ABCA9: variants seen among roughly 807,000 people sequenced by gnomAD.
ABCA9 encodes ATP-binding cassette sub-family A member 9.
In ABCA9, 183 loss-of-function variants were observed where a neutral mutation model predicts 205.3. The observed-to-expected ratio is 0.89, with a 90% CI of 0.79 to 1.01. The LOEUF (loss-of-function observed/expected upper bound fraction) is 1.01, where lower values mean the gene tolerates loss of function less well. Among genes scored for constraint, ABCA9 ranks in the 50% least tolerant of loss-of-function variants. The pLI, the probability that ABCA9 is intolerant of heterozygous loss-of-function variation, is 0.00. For synonymous variants in ABCA9, 651 were observed against 683.3 expected (o/e 0.95, Z 0.74); for missense variants, 1,805 against 1,912.4 (o/e 0.94, Z 1.05).
chr17:69,026,958 A>G lies in ABCA9; in HGVS notation c.2050+18T>C, dbSNP rs1206072867. 1 of 1,613,328 alleles carries G rather than the reference A, an allele frequency of 6.2e-7. No individual in the cohort carries two copies. The highest frequency in any genetic ancestry group is 8.5e-7 in the Non-Finnish European group (1 of 1,179,636). The stretch of plus-strand genomic sequence containing the variant: ...CTCTAACCTCTCATGAAGATACATA[A>G]GAGAAACAAAAAATTACCCGCCAGA... On this transcript the variant is annotated intron_variant, in intron 15 of 38. Transcript: ENST00000340001.
chr17:69,016,058 TTA>T (rs1234031855), intron 22 of ABCA9, among the ~76,000 whole-genome samples, 193 bp downstream of exon 22: 3 of 148,078 alleles, frequency 2.0e-5, no homozygotes, highest in Non-Finnish European at 4.5e-5. Context: ...ATACAGTGAT[TTA>T]TATATATATA....
At chr17:68,987,510 A>C (rs1436865187) in intron 31 of ABCA9, among the ~76,000 whole-genome samples, 1 of 152,202 alleles carries the variant, frequency 6.6e-6, no homozygotes, top group Non-Finnish European at 1.5e-5. Flanking sequence ...ATAAATTTTT[A>C]AGCGATGAGA....
At position 69,051,153 on chromosome 17, in the gene ABCA9, GA is replaced by G. The variant is rs567798823; in HGVS notation, c.-13-15del. On this transcript the variant is annotated splice_polypyrimidine_tract_variant and intron_variant, in intron 1 of 38. Coordinates refer to ENST00000340001, the MANE Select transcript of ABCA9 (RefSeq NM_080283.4). Reference sequence around the variant, plus strand: ...TTGACCTGTTTCCTTTAAAAAGACAGAAAAAAAATGAAGTACATGTGAAGGT... The same window carrying G: ...TTGACCTGTTTCCTTTAAAAAGACAGAAAAAAATGAAGTACATGTGAAGGT... 9 of 1,603,750 alleles carry G rather than the reference GA, an allele frequency of 5.6e-6. No homozygotes were observed. Among genetic ancestry groups the G allele is most frequent in the South Asian group, 2.2e-5 (2 of 89,460 alleles).
chr17:69,008,229 C>T lies in ABCA9; in HGVS notation c.3154G>A (p.Ala1052Thr), dbSNP rs139631182. 4.3e-6 allele frequency: 7 copies of T among 1,611,268 alleles called. No individual in the cohort carries two copies. In the African/African-American group the frequency reaches 9.4e-5, roughly 22 times the overall value. Residue 1052 changes from alanine to threonine, a missense_variant, in exon 24 of 39, where the codon GCT becomes ACT. Physicochemically the swap from Ala to Thr is moderately conservative, Grantham distance 58 (BLOSUM62 0). Coordinates refer to ENST00000340001, the MANE Select transcript of ABCA9 (RefSeq NM_080283.4). ...CCTGAAATCCGTAGCTGGGAATGAG[C>T]TTTTTTCTGATAAAGAAATAGAAGA... ...MSSIGDYKKK[A>T]HSQLRISGLY...
chr17:69,051,194 A>G, intron 1 of ABCA9, 55 bp from the exon 2 acceptor site: 1 of 1,490,674 alleles, frequency 6.7e-7, no homozygotes. Context: ...AGTAGAAAAC[A>G]TTGTGCAATC....
intron 1 of ABCA9, among the ~76,000 whole-genome samples, chr17:69,055,176 T>C (rs2072031309): frequency 6.6e-6 from 1 of 152,174 alleles, no homozygotes; most frequent in Non-Finnish European, 1.5e-5. Flanking sequence ...TGATCATCAA[T>C]GGTCTAAATG....
intron 26 of ABCA9, 138 bp downstream of exon 26, chr17:68,995,757 C>T: frequency 2.6e-6 from 3 of 1,157,942 alleles, no homozygotes; most frequent in Non-Finnish European, 3.6e-6. Flanking sequence ...CCATGCGTGG[C>T]AAGAGAACTG....
At chr17:68,989,640 T>C (rs2069379148) in intron 30 of ABCA9, among the ~76,000 whole-genome samples, 173 bp downstream of exon 30, 1 of 152,140 alleles carries the variant, frequency 6.6e-6, no homozygotes, top group African/African-American at 2.4e-5. Flanking sequence ...ACTGTCTTCC[T>C]ATGTAAAGAA....
rs146264007 is a variant in ABCA9 at position 69,035,716 on chromosome 17, C to T, written c.886G>A (p.Val296Ile). Residue 296 changes from valine to isoleucine, a missense_variant, in exon 7 of 39, where the codon GTC (valine) becomes ATC (isoleucine). By Grantham distance (29) the Val-to-Ile change is conservative. Coordinates refer to ENST00000340001, the MANE Select transcript of ABCA9 (RefSeq NM_080283.4). ...AAGACCATCACAAAACCAGTCAGGA[C>T]GACAATTTGTGCAGATTTTACAATA... ...ALIVKSAQIV[V>I]LTGFVMVFTL... The T allele has an allele frequency of 1.6e-4, 253 of 1,613,498 alleles. No homozygotes were observed. Among genetic ancestry groups the T allele is most frequent in the African/African-American group, 9.1e-4 (68 of 74,948 alleles).
At chr17:69,024,478 G>A in intron 16 of ABCA9, 125 bp from the exon 17 acceptor site, 1 of 907,740 alleles carries the variant, frequency 1.1e-6, no homozygotes, top group Non-Finnish European at 1.6e-6. Flanking sequence ...GTAGTTTACT[G>A]GACAAAGTAA....
At chr17:69,045,062 T>A in intron 4 of ABCA9, 110 bp downstream of exon 4, 1 of 793,740 alleles carries the variant, frequency 1.3e-6, no homozygotes, top group East Asian at 2.7e-5. Flanking sequence ...ATTAAAGCTC[T>A]ATGTTGTGGT....
At chr17:69,027,844 C>A in intron 12 of ABCA9, 29 bp from the exon 13 acceptor site, 2 of 1,528,426 alleles carry the variant, frequency 1.3e-6, no homozygotes, top group South Asian at 1.2e-5. Context: ...GAGTGACCAT[C>A]AGGAAAATGT....
rs1363840415 is a variant in ABCA9, at chr17:69,049,267, C to T, written c.304+16G>A. 6.4e-7 allele frequency: 1 copy of T among 1,569,342 alleles called. No homozygotes were observed. Among genetic ancestry groups the T allele is most frequent in the Admixed American group, 1.8e-5 (1 of 54,630 alleles). ...TTGCAAATAAGGAAATTACTATGAA[C>T]AACCAGGGAACATACCTTTTAGGAA... is the stretch of plus-strand genomic sequence containing the variant. On this transcript the variant is annotated intron_variant, in intron 3 of 38. Coordinates refer to ENST00000340001, the MANE Select transcript of ABCA9 (RefSeq NM_080283.4).
Position 68,984,581 on chromosome 17 carries a change from G to A in ABCA9, c.4379+304C>T, listed in dbSNP as rs112434422. 3.7e-3 allele frequency among the ~76,000 whole-genome samples: 561 copies of A among 152,166 alleles called. 4 individuals are homozygous for A. The highest frequency in any genetic ancestry group is 0.013 in the African/African-American group (543 of 41,510). ...GAATGTTTCTTTTTTTCCTCCATAGGAATTGTATATCAGGTGATGTTGCAG... is the reference window on the plus strand; with the variant it reads ...GAATGTTTCTTTTTTTCCTCCATAGAAATTGTATATCAGGTGATGTTGCAG... On this transcript the variant is annotated intron_variant, in intron 34 of 38. Coordinates refer to ENST00000340001, the MANE Select transcript of ABCA9 (RefSeq NM_080283.4).
chr17:68,993,082 A>C lies in ABCA9; in HGVS notation c.3558T>G (p.Ile1186Met). Residue 1186 changes from isoleucine to methionine, a missense_variant and splice_region_variant, in exon 27 of 39, where the codon ATT (isoleucine) becomes ATG (methionine). Ile to Met is a conservative substitution (Grantham distance 10, BLOSUM62 1). Transcript: ENST00000340001. ...CTAAGTAATCCATGGAATCAGGAGAAATCTGTAAAATGAGCAGTAAGTGTA... is the reference window on the plus strand; with the variant it reads ...CTAAGTAATCCATGGAATCAGGAGACATCTGTAAAATGAGCAGTAAGTGTA... The part of the protein sequence containing the change: ...LIGSLFIFSE[I>M]SPDSMDYLGA... 2 of 1,612,742 alleles carry C rather than the reference A, an allele frequency of 1.2e-6. No homozygotes were observed. Among genetic ancestry groups the C allele is most frequent in the Non-Finnish European group, 1.7e-6 (2 of 1,178,882 alleles).
At chr17:69,021,207 A>G (rs1022966621) in intron 18 of ABCA9, among the ~76,000 whole-genome samples, 1 of 152,126 alleles carries the variant, frequency 6.6e-6, no homozygotes, top group Non-Finnish European at 1.5e-5. Flanking sequence ...CAATCCAAAA[A>G]GACCCCCAGA....
chr17:69,019,965 C>T (rs2070760811), intron 19 of ABCA9: 1 of 154,156 alleles, frequency 6.5e-6, no homozygotes, highest in African/African-American at 2.4e-5. Context: ...ATTTGCCAAG[C>T]CCCACAATTA....
intron 23 of ABCA9, among the ~76,000 whole-genome samples, chr17:69,010,209 T>TAA (rs1265027940): frequency 1.3e-5 from 2 of 150,904 alleles, no homozygotes; most frequent in Non-Finnish European, 2.9e-5. Flanking sequence ...CAGATAATGA[T>TAA]AAGTACCATG....
chr17:69,000,221 T>G (rs1227674706), intron 25 of ABCA9, among the ~76,000 whole-genome samples: 1 of 151,960 alleles, frequency 6.6e-6, no homozygotes, highest in African/African-American at 2.4e-5. Context: ...TCCTGAATGG[T>G]AATGCCTAGG....
Sources: gnomAD v4.1 joint callset for allele counts (sites outside exome capture counted in the v4.1 genomes callset) on GRCh38, gnomAD v4.1.1 for gene constraint, MANE v1.5 for transcripts, NCBI Gene and HGNC (gene_info 2026-07-23, HGNC 2026-07-21) for gene names.